DNAH9: variants seen among roughly 807,000 people sequenced by gnomAD.
DNAH9 encodes the protein dynein axonemal heavy chain 9.
Under a neutral mutation model 471.6 loss-of-function variants are expected in DNAH9, and 345 were observed. That is an observed-to-expected ratio of 0.73 (90% CI 0.67 to 0.80). The LOEUF (loss-of-function observed/expected upper bound fraction) is 0.80, where lower values mean the gene tolerates loss of function less well. DNAH9 is among the 30% of genes least tolerant of loss of function. The pLI is 0.00. For missense variants in DNAH9, 5,407 were observed against 5,609.2 expected (o/e 0.96, Z 1.15); for synonymous variants, 2,093 against 2,123.6 (o/e 0.99, Z 0.40).
chr17:11,876,062 C>T (rs770494905), intron 53 of DNAH9, among the ~76,000 whole-genome samples: 20 of 152,024 alleles, frequency 1.3e-4, no homozygotes, highest in Non-Finnish European at 2.6e-4. Flanking sequence ...TTCCATTTCA[C>T]GTCCGAGGAA....
chr17:11,898,332 A>C (rs1973289610), intron 59 of DNAH9, among the ~76,000 whole-genome samples: 1 of 152,150 alleles, frequency 6.6e-6, no homozygotes, highest in Non-Finnish European at 1.5e-5. Flanking sequence ...CATGTTGGCC[A>C]GGATGGTCTC....
At position 11,834,499 on chromosome 17, in the gene DNAH9, C is replaced by T. The variant is rs556197149; in HGVS notation, c.9247-139C>T. 23 of 1,026,520 alleles carry T rather than the reference C, an allele frequency of 2.2e-5. No homozygotes were observed. The African/African-American group carries it at 2.6e-4, about 11-fold the overall frequency. The allele number at this position is 1,026,520 out of a possible 1,614,324, so 63.6% of individuals were successfully genotyped here. On this transcript the variant is annotated intron_variant, in intron 48 of 68. Coordinates refer to ENST00000262442, the MANE Select transcript of DNAH9 (RefSeq NM_001372.4). ...TCCCATCTGACAGCGCAGCTTTGTA[C>T]CTTTGTATCAGGAGCTGTCATCTAT...
At chr17:11,613,481 C>T (rs951935791) in intron 4 of DNAH9, among the ~76,000 whole-genome samples, 25 of 151,994 alleles carry the variant, frequency 1.6e-4, no homozygotes, top group Admixed American at 1.4e-3. Context: ...ATTAGCCGGG[C>T]GTAGTCCCAG....
At chr17:11,788,085 T>C (rs1006588242) in intron 41 of DNAH9, among the ~76,000 whole-genome samples, 5 of 152,224 alleles carry the variant, frequency 3.3e-5, no homozygotes, top group African/African-American at 1.2e-4. Context: ...GCATATGACA[T>C]GCTCACATTT....
intron 45 of DNAH9, among the ~76,000 whole-genome samples, chr17:11,818,473 C>G (rs1441069062): frequency 6.6e-6 from 1 of 151,598 alleles, no homozygotes; most frequent in Non-Finnish European, 1.5e-5. Flanking sequence ...TATAAGATGG[C>G]CCAAATGACT....
intron 6 of DNAH9, among the ~76,000 whole-genome samples, chr17:11,628,132 C>T (rs2073002296): frequency 6.6e-6 from 1 of 152,186 alleles, no homozygotes; most frequent in Non-Finnish European, 1.5e-5. Context: ...TCTTTCCTGC[C>T]TAAGGAATGT....
chr17:11,655,776 C>T (rs981582131), intron 14 of DNAH9, among the ~76,000 whole-genome samples: 1 of 151,926 alleles, frequency 6.6e-6, no homozygotes, highest in African/African-American at 2.4e-5. Flanking sequence ...GAAAACCAAA[C>T]ATTGTATGTT....
chr17:11,823,931 AAAAAAAAAAAAG>A (rs982040822), intron 48 of DNAH9, among the ~76,000 whole-genome samples: 1 of 147,486 alleles, frequency 6.8e-6, no homozygotes, highest in Non-Finnish European at 1.5e-5. Flanking sequence ...CTCCATCTCA[AAAAAAAAAAAAG>A]AAAGAAAAAA....
intron 17 of DNAH9, among the ~76,000 whole-genome samples, chr17:11,677,277 T>TA (rs1386549626): frequency 6.6e-6 from 1 of 152,132 alleles, no homozygotes; most frequent in Non-Finnish European, 1.5e-5. Flanking sequence ...ATTGTCAATT[T>TA]CTCCTTGTAA....
intron 61 of DNAH9, among the ~76,000 whole-genome samples, chr17:11,908,728 A>G (rs1284528600): frequency 6.6e-6 from 1 of 152,242 alleles, no homozygotes; most frequent in Non-Finnish European, 1.5e-5. Flanking sequence ...AAACAGTCCA[A>G]GGGGAGCAAT....
chr17:11,718,238 T>A (rs2074999766), intron 26 of DNAH9, among the ~76,000 whole-genome samples: 1 of 152,220 alleles, frequency 6.6e-6, no homozygotes, highest in Non-Finnish European at 1.5e-5. Context: ...TTGAGGTTCG[T>A]CCATCCTGTA....
At chr17:11,733,165 C>T (rs1393960077) in intron 28 of DNAH9, among the ~76,000 whole-genome samples, 2 of 152,198 alleles carry the variant, frequency 1.3e-5, no homozygotes, top group Non-Finnish European at 2.9e-5. Context: ...TGTTAAATAG[C>T]ACATGGCATT....
At chr17:11,742,709 C>T (rs1390547160) in intron 30 of DNAH9, among the ~76,000 whole-genome samples, 1 of 152,304 alleles carries the variant, frequency 6.6e-6, no homozygotes, top group African/African-American at 2.4e-5. Context: ...CTTGGCGTTA[C>T]CTGTAGCTTC....
At position 11,834,837 on chromosome 17, in the gene DNAH9, A is replaced by G. The variant is rs751963970; in HGVS notation, c.9446A>G (p.Asp3149Gly). ...VKQKQKDCEE[D>G]LAKAEPALTA... ...CAGAAGCAGAAGGACTGTGAGGAGG[A>G]CCTGGCAAAGGCTGAGCCAGCACTC... is the stretch of plus-strand genomic sequence containing the variant. Residue 3149 changes from aspartate to glycine, a missense_variant, in exon 49 of 69, where the codon GAC (aspartate) becomes GGC (glycine). Asp to Gly is a moderately conservative substitution (Grantham distance 94). Coordinates refer to ENST00000262442, the MANE Select transcript of DNAH9 (RefSeq NM_001372.4). The G allele has an allele frequency of 6.2e-7, 1 of 1,613,972 alleles. No homozygotes were observed.
chr17:11,640,479 G>C (rs1192364180), intron 10 of DNAH9, 95 bp downstream of exon 10: 5 of 850,262 alleles, frequency 5.9e-6, no homozygotes, highest in Admixed American at 2.0e-5. Context: ...CTTAACGAAG[G>C]CCAGAAAATC....
At chr17:11,681,204 G>A (rs964298465) in intron 19 of DNAH9, among the ~76,000 whole-genome samples, 3 of 152,168 alleles carry the variant, frequency 2.0e-5, no homozygotes, top group African/African-American at 7.2e-5. Context: ...TAAACCTTTA[G>A]CATTCTAAGT....
At chr17:11,952,963 C>G (rs1357768015) in intron 67 of DNAH9, among the ~76,000 whole-genome samples, 3 of 152,168 alleles carry the variant, frequency 2.0e-5, no homozygotes, top group Non-Finnish European at 1.5e-5. Context: ...TGTCTCCTCT[C>G]TGTGTCCTCA....
At chr17:11,619,404 T>G (rs1389837558) in intron 5 of DNAH9, 144 bp from the exon 6 acceptor site, 4 of 639,408 alleles carry the variant, frequency 6.3e-6, no homozygotes, top group African/African-American at 5.5e-5. Context: ...GCAGTCCACA[T>G]GTGGAATGGA....
intron 49 of DNAH9, among the ~76,000 whole-genome samples, chr17:11,846,406 C>A (rs950268319): frequency 3.3e-5 from 5 of 151,502 alleles, no homozygotes; most frequent in Non-Finnish European, 7.4e-5. Flanking sequence ...GTTACTGTAG[C>A]CTTGTAATAT....
Sources: allele counts gnomAD v4.1 joint callset (sites outside exome capture counted in the v4.1 genomes callset), GRCh38; gene constraint gnomAD v4.1.1; transcripts MANE v1.5; gene names NCBI Gene and HGNC (gene_info 2026-07-23, HGNC 2026-07-21).